CELF2: variants seen among roughly 807,000 people sequenced by gnomAD.
The protein encoded by CELF2 is CUG triplet repeat RNA-binding protein 2.
A neutral mutation model predicts 62.6 loss-of-function variants in CELF2; 8 were observed. The observed-to-expected ratio is 0.13, with a 90% CI of 0.07 to 0.23. CELF2 has a LOEUF of 0.23. Among genes scored for constraint, CELF2 ranks in the 10% least tolerant of loss-of-function variants. The pLI is 1.00. For missense variants in CELF2, 333 were observed against 671.0 expected (o/e 0.50, Z 5.56); for synonymous variants, 258 against 250.0 (o/e 1.03, Z -0.30).
the CELF2 span, among the ~76,000 whole-genome samples, chr10:10,644,783 C>A: frequency 6.6e-6 from 1 of 152,154 alleles, no homozygotes; most frequent in Non-Finnish European, 1.5e-5. Context: ...TTGCACACAG[C>A]GGGCTCTTCT....
At chr10:10,906,717 C>CTTTTTT (rs397846553) in intron 1 of CELF2, among the ~76,000 whole-genome samples, 2,018 of 108,882 alleles carry the variant, frequency 0.019, 1 homozygote, top group Non-Finnish European at 0.021. Context: ...TTTTTCTTTT[C>CTTTTTT]TTTTTTTTTT....
At chr10:10,563,203 A>G in the CELF2 span, among the ~76,000 whole-genome samples, 3,144 of 152,232 alleles carry the variant, frequency 0.021, 90 homozygotes, top group East Asian at 0.097. Flanking sequence ...TTCTGTCTCT[A>G]CTGACGCTGC....
At chr10:10,519,869 C>T in the CELF2 span, among the ~76,000 whole-genome samples, 47 of 152,266 alleles carry the variant, frequency 3.1e-4, no homozygotes, top group African/African-American at 1.1e-3. Context: ...CAGAGGTGGT[C>T]TCACAGTTTT....
rs534536031 is a variant in CELF2 at position 11,012,714 on chromosome 10, C to T, written c.53+7274C>T. Among the ~76,000 whole-genome samples, 40 of 152,118 alleles carry T rather than the reference C, an allele frequency of 2.6e-4. No individual in the cohort carries two copies. The highest frequency in any genetic ancestry group is 7.5e-4 in the African/African-American group (31 of 41,498). ...TGACCAGTTGGGGAAAACATGTCGTCGGGGTGGGGGCAGTGAGGGGTGGAC... is the reference window on the plus strand; with the variant it reads ...TGACCAGTTGGGGAAAACATGTCGTTGGGGTGGGGGCAGTGAGGGGTGGAC... On this transcript the variant is annotated intron_variant, in intron 1 of 12. Coordinates refer to the CELF2 transcript ENST00000416382. The surrounding 1 kb of genome is among the most constrained non-coding windows in gnomAD (Gnocchi z 5.5).
chr10:10,538,081 G>A, the CELF2 span, among the ~76,000 whole-genome samples: 841 of 152,248 alleles, frequency 5.5e-3, 14 homozygotes, highest in African/African-American at 0.02. Context: ...AGCAGCCACT[G>A]TCACCCTCAG....
At chr10:10,792,690 T>TGGGTG in the CELF2 span, among the ~76,000 whole-genome samples, 1 of 152,204 alleles carries the variant, frequency 6.6e-6, no homozygotes. Flanking sequence ...TTTGTCCCTG[T>TGGGTG]GGGTGTGAGC....
the CELF2 span, among the ~76,000 whole-genome samples, chr10:10,567,364 G>C: frequency 1.3e-5 from 2 of 152,308 alleles, no homozygotes; most frequent in Non-Finnish European, 2.9e-5. Flanking sequence ...ACTTCAGCAA[G>C]TGTCACAGGT....
intron 1 of CELF2, among the ~76,000 whole-genome samples, chr10:10,830,775 A>C (rs1020063061): frequency 3.3e-5 from 5 of 152,328 alleles, no homozygotes; most frequent in Admixed American, 3.3e-4. Flanking sequence ...TGGCTAGAAG[A>C]AGCACACAAC....
the CELF2 span, among the ~76,000 whole-genome samples, chr10:10,699,071 T>C: frequency 6.6e-6 from 1 of 152,128 alleles, no homozygotes; most frequent in African/African-American, 2.4e-5. Context: ...TTATATAACA[T>C]ATATTTGAAT....
At chr10:10,680,436 G>A in the CELF2 span, among the ~76,000 whole-genome samples, 1 of 152,186 alleles carries the variant, frequency 6.6e-6, no homozygotes, top group South Asian at 2.1e-4. Flanking sequence ...ACAGTTCCAA[G>A]AGCGAGGCTT....
chr10:10,672,178 G>A, the CELF2 span, among the ~76,000 whole-genome samples: 511 of 152,048 alleles, frequency 3.4e-3, 6 homozygotes, highest in Non-Finnish European at 3.0e-3. Context: ...AATATTTATC[G>A]CCGGTCTGTG....
intron 2 of CELF2, among the ~76,000 whole-genome samples, chr10:10,981,960 T>TTC (rs1471508155): frequency 6.8e-6 from 1 of 146,608 alleles, no homozygotes; most frequent in African/African-American, 2.5e-5. Context: ...CTTTTTTTTT[T>TTC]TTTTTTTTTT....
chr10:10,770,376 G>T, the CELF2 span, among the ~76,000 whole-genome samples: 7 of 152,006 alleles, frequency 4.6e-5, no homozygotes, highest in African/African-American at 1.7e-4. Flanking sequence ...CAGGAGGGGA[G>T]AAGGCTAACT....
intron 2 of CELF2, among the ~76,000 whole-genome samples, chr10:10,985,145 C>T (rs1443074558): frequency 1.3e-5 from 2 of 152,098 alleles, no homozygotes; most frequent in Admixed American, 6.6e-5. Context: ...AATTGCATGC[C>T]ATTTCAAGGA....
intron 1 of CELF2, among the ~76,000 whole-genome samples, chr10:11,120,550 A>G (rs1377938827): frequency 6.6e-6 from 1 of 151,930 alleles, no homozygotes; most frequent in Non-Finnish European, 1.5e-5. Context: ...ATCTCCAAAG[A>G]CCCTTTCCCC....
chr10:11,276,813 G>A (rs779171316), intron 8 of CELF2, among the ~76,000 whole-genome samples: 2 of 152,228 alleles, frequency 1.3e-5, no homozygotes, highest in Non-Finnish European at 2.9e-5. Flanking sequence ...TGCCTGTGCC[G>A]CACCAGCCAC....
chr10:10,979,473 C>G (rs1319616204), intron 2 of CELF2, among the ~76,000 whole-genome samples: 1 of 152,098 alleles, frequency 6.6e-6, no homozygotes, highest in Non-Finnish European at 1.5e-5. Flanking sequence ...GAGTTCAAGA[C>G]CAGCCTGGGC....
rs1384937241 is a variant in CELF2, at chr10:10,813,778, G to A, written c.53+14961G>A. Among the ~76,000 whole-genome samples the A allele has an allele frequency of 2.6e-5, 4 of 152,178 alleles. No individual in the cohort carries two copies. In the East Asian group the frequency reaches 7.7e-4, roughly 29 times the overall value. ...TTACAGTTTTACAAAAACAGGTGTT[G>A]GGCTGGATTTGGGCCATGGGCCGTG... On this transcript the variant is annotated intron_variant, in intron 1 of 13. Coordinates refer to the CELF2 transcript ENST00000636488.
intron 1 of CELF2, among the ~76,000 whole-genome samples, chr10:11,057,848 C>G (rs758978088): frequency 5.3e-5 from 8 of 152,138 alleles, no homozygotes; most frequent in Admixed American, 3.9e-4. Context: ...CTGCATCCAA[C>G]AAGATTCTGA....
Sources: gnomAD v4.1 joint callset for allele counts (sites outside exome capture counted in the v4.1 genomes callset) on GRCh38, gnomAD v4.1.1 for gene constraint, Gnocchi (gnomAD v3.1) non-coding constraint, MANE v1.5 for transcripts, NCBI Gene and HGNC (gene_info 2026-07-23, HGNC 2026-07-21) for gene names.